The following SLIT3 variants were observed in gnomAD, a reference collection of about 807,000 sequenced individuals.
The protein encoded by SLIT3 is slit homolog 3 protein.
In SLIT3, 68 loss-of-function variants were observed where a neutral mutation model predicts 184.0. That is an observed-to-expected ratio of 0.37 (90% CI 0.30 to 0.45). SLIT3 has a LOEUF of 0.45. Among genes scored for constraint, SLIT3 ranks in the 20% least tolerant of loss-of-function variants. SLIT3 has a pLI of 1.00. For synonymous variants in SLIT3, 831 were observed against 828.6 expected (o/e 1.00, Z -0.05); for missense variants, 1,707 against 2,026.0 (o/e 0.84, Z 3.02).
At chr5:168,818,928 C>CT (rs1757429705) in intron 7 of SLIT3, among the ~76,000 whole-genome samples, 1 of 152,262 alleles carries the variant, frequency 6.6e-6, no homozygotes, top group South Asian at 2.1e-4. Context: ...ACCTATATCC[C>CT]ATATAAAATG....
At chr5:169,204,923 T>C (rs1764020669) in intron 3 of SLIT3, among the ~76,000 whole-genome samples, 1 of 152,120 alleles carries the variant, frequency 6.6e-6, no homozygotes, top group Non-Finnish European at 1.5e-5. Flanking sequence ...CACAGAAGTG[T>C]GTGTGTTTCT....
chr5:169,238,695 A>G (rs1422577411), intron 3 of SLIT3, among the ~76,000 whole-genome samples: 1 of 151,850 alleles, frequency 6.6e-6, no homozygotes, highest in African/African-American at 2.4e-5. Flanking sequence ...TTTTATTTCT[A>G]CTATTGTTCC....
intron 5 of SLIT3, among the ~76,000 whole-genome samples, chr5:168,845,356 G>A (rs4868013): frequency 1.3e-5 from 2 of 152,172 alleles, no homozygotes; most frequent in African/African-American, 4.8e-5. Flanking sequence ...AACTGCACCA[G>A]CCATCATCAA....
intron 4 of SLIT3, among the ~76,000 whole-genome samples, chr5:169,084,995 A>T (rs984682822): frequency 2.6e-5 from 4 of 152,184 alleles, no homozygotes; most frequent in African/African-American, 9.7e-5. Context: ...GCTATCAACA[A>T]CAACAACCTA....
intron 4 of SLIT3, among the ~76,000 whole-genome samples, chr5:169,007,028 G>A (rs912032858): frequency 6.6e-6 from 1 of 152,172 alleles, no homozygotes; most frequent in African/African-American, 2.4e-5. Flanking sequence ...TCAAGGGAGG[G>A]ACCTGGTGGG....
At chr5:168,950,245 C>A (rs1267395304) in intron 4 of SLIT3, among the ~76,000 whole-genome samples, 1 of 152,104 alleles carries the variant, frequency 6.6e-6, no homozygotes, top group Non-Finnish European at 1.5e-5. Flanking sequence ...AAGGCACCTT[C>A]TATGATCCAG....
intron 29 of SLIT3, among the ~76,000 whole-genome samples, chr5:168,690,929 C>T (rs1169688151): frequency 6.6e-6 from 1 of 152,170 alleles, no homozygotes; most frequent in Non-Finnish European, 1.5e-5. Flanking sequence ...GCTTCTTCTT[C>T]CCCCAGTGGA....
At position 168,706,701 on chromosome 5, in the gene SLIT3, G is replaced by A. The variant is rs542578546; in HGVS notation, c.2844+1275C>T. 10 of 152,288 alleles carry A rather than the reference G, an allele frequency of 6.6e-5. No homozygotes were observed. In the East Asian group the frequency reaches 1.9e-3, roughly 29 times the overall value. 9.4% of individuals were successfully genotyped at this position (152,288 alleles called of 1,614,324 possible). On this transcript the variant is annotated intron_variant, in intron 26 of 35. Coordinates refer to ENST00000519560, the MANE Select transcript of SLIT3 (RefSeq NM_003062.4). ...CAGTGGTAAGTTTAAGACTTTGGAG[G>A]TGGCTGGCTTCAAAGGGAATCCTTT...
chr5:169,010,075 G>A (rs1023482870), intron 4 of SLIT3, among the ~76,000 whole-genome samples: 7 of 152,172 alleles, frequency 4.6e-5, no homozygotes, highest in Admixed American at 1.3e-4. Flanking sequence ...GGAGGCAAAC[G>A]AGGGTTTGTG....
At chr5:168,959,469 A>G (rs939974180) in intron 4 of SLIT3, among the ~76,000 whole-genome samples, 4 of 152,216 alleles carry the variant, frequency 2.6e-5, no homozygotes, top group Admixed American at 2.6e-4. Flanking sequence ...TGGAGAGCCC[A>G]TTGTGCCTCA....
At chr5:168,728,626 T>C (rs1020324391) in intron 20 of SLIT3, among the ~76,000 whole-genome samples, 6 of 151,598 alleles carry the variant, frequency 4.0e-5, no homozygotes. Context: ...TTAAAAAAAA[T>C]AAAAAAGCCA....
chr5:168,967,584 C>G (rs1394560828), intron 4 of SLIT3, among the ~76,000 whole-genome samples: 1 of 142,414 alleles, frequency 7.0e-6, no homozygotes, highest in Non-Finnish European at 1.6e-5. Context: ...GGACTACAGG[C>G]GCCCGCCACT....
intron 4 of SLIT3, among the ~76,000 whole-genome samples, chr5:169,138,513 C>T (rs562631514): frequency 1.3e-5 from 2 of 152,262 alleles, no homozygotes; most frequent in Admixed American, 6.5e-5. Flanking sequence ...GCACAAGAAT[C>T]CCTGGTTCAG....
chr5:168,977,311 C>A (rs1395312145), intron 4 of SLIT3, among the ~76,000 whole-genome samples: 2 of 152,290 alleles, frequency 1.3e-5, no homozygotes, highest in East Asian at 3.9e-4. Flanking sequence ...CATCGCAAGA[C>A]CTACTCAGCA....
At chr5:168,915,922 A>G (rs1190108088) in intron 4 of SLIT3, among the ~76,000 whole-genome samples, 2 of 152,254 alleles carry the variant, frequency 1.3e-5, no homozygotes, top group African/African-American at 4.8e-5. Context: ...GATGACACTC[A>G]GGAATTAATA....
chr5:168,905,476 T>C (rs1761018201), intron 4 of SLIT3, among the ~76,000 whole-genome samples: 1 of 152,244 alleles, frequency 6.6e-6, no homozygotes, highest in Admixed American at 6.5e-5. Context: ...CGATCATGTA[T>C]CTGCAAAGAA....
chr5:169,260,728 C>CCATT (rs757282662), intron 1 of SLIT3, among the ~76,000 whole-genome samples: 8 of 152,258 alleles, frequency 5.3e-5, no homozygotes, highest in South Asian at 2.1e-4. Flanking sequence ...TACTGATACA[C>CCATT]CATTCATTCA....
chr5:169,252,537 A>G (rs1394815218), intron 1 of SLIT3, among the ~76,000 whole-genome samples: 1 of 152,188 alleles, frequency 6.6e-6, no homozygotes, highest in Non-Finnish European at 1.5e-5. Context: ...ACTGAACGCC[A>G]AAAAAAGGAA....
At chr5:169,057,012 T>G (rs1269251453) in intron 4 of SLIT3, among the ~76,000 whole-genome samples, 1 of 152,192 alleles carries the variant, frequency 6.6e-6, no homozygotes, top group African/African-American at 2.4e-5. Context: ...AGAGCAGGCA[T>G]GTTGTAAGTG....
Sources: allele counts gnomAD v4.1 joint callset (sites outside exome capture counted in the v4.1 genomes callset), GRCh38; gene constraint gnomAD v4.1.1; transcripts MANE v1.5; gene names NCBI Gene and HGNC (gene_info 2026-07-23, HGNC 2026-07-21).